The following GABRP variants were observed in gnomAD, a reference collection of about 807,000 sequenced individuals.
GABRP encodes the protein gamma-aminobutyric acid receptor subunit pi.
Under a neutral mutation model 47.8 loss-of-function variants are expected in GABRP, and 52 were observed. That is an observed-to-expected ratio of 1.09 (90% CI 0.87 to 1.37). The LOEUF (loss-of-function observed/expected upper bound fraction) is 1.37. Ranked by LOEUF, GABRP falls within the 40% of genes most tolerant of loss-of-function variation. GABRP has a pLI of 0.00. For missense variants in GABRP, 525 were observed against 542.8 expected (o/e 0.97, Z 0.33); for synonymous variants, 221 against 205.8 (o/e 1.07, Z -0.63).
At chr5:170,809,935 A>G (rs1437543630) in intron 9 of GABRP, 180 bp downstream of exon 9, 1 of 705,802 alleles carries the variant, frequency 1.4e-6, no homozygotes, top group Non-Finnish European at 2.6e-6. Flanking sequence ...GAAAAAGACC[A>G]TTCTTTTCAC....
At chr5:170,803,409 C>T (rs1765645165) in intron 6 of GABRP, among the ~76,000 whole-genome samples, 1 of 152,186 alleles carries the variant, frequency 6.6e-6, no homozygotes, top group African/African-American at 2.4e-5. Flanking sequence ...TAACTAATGT[C>T]TCTGGACCTC....
rs547224654 is a variant in GABRP at position 170,808,371 on chromosome 5, A to G, written c.680-229A>G. Among the ~76,000 whole-genome samples, 5 of 152,324 alleles carry G rather than the reference A, an allele frequency of 3.3e-5. No individual in the cohort carries two copies. The South Asian group carries it at 1.0e-3, about 32-fold the overall frequency. On this transcript the variant is annotated intron_variant, in intron 7 of 9. Coordinates refer to ENST00000265294, the MANE Select transcript of GABRP (RefSeq NM_014211.3). ...CAGTATTGATTGCACTGCTGTAGGA[A>G]TACTGTGATTCAGAAAAGCCCAGGT... is the stretch of plus-strand genomic sequence containing the variant.
At chr5:170,799,304 G>A (rs188552667) in intron 6 of GABRP, among the ~76,000 whole-genome samples, 1,803 of 152,274 alleles carry the variant, frequency 0.012, 38 homozygotes, top group African/African-American at 0.04. Context: ...CCAGTAATGG[G>A]ATGGCTGGGT....
At position 170,788,589 on chromosome 5, in the gene GABRP, G is replaced by A; in HGVS notation, c.-27G>A. 6.2e-7 allele frequency: 1 copy of A among 1,613,666 alleles called. No homozygotes were observed. Among genetic ancestry groups the A allele is most frequent in the Non-Finnish European group, 8.5e-7 (1 of 1,179,640 alleles). ...TGTTTCCCAGGTGATTCCTACTTCA[G>A]CCCCTTGGTGTGAGCAGCTTCTCAA... On this transcript the variant is annotated 5_prime_UTR_variant, in exon 2 of 10. Coordinates refer to ENST00000265294, the MANE Select transcript of GABRP (RefSeq NM_014211.3).
At chr5:170,791,012 C>G (rs1765249999) in intron 3 of GABRP, among the ~76,000 whole-genome samples, 1 of 152,230 alleles carries the variant, frequency 6.6e-6, no homozygotes, top group African/African-American at 2.4e-5. Context: ...TTCCCAGGCC[C>G]TACTGAACAC....
chr5:170,800,621 A>G (rs924190574), intron 6 of GABRP, among the ~76,000 whole-genome samples: 18 of 152,254 alleles, frequency 1.2e-4, no homozygotes, highest in African/African-American at 4.1e-4. Flanking sequence ...TGACTGAACA[A>G]CTTTTTTGTT....
At chr5:170,810,055 GA>G (rs1324450310) in intron 9 of GABRP, 4 of 657,056 alleles carry the variant, frequency 6.1e-6, no homozygotes, top group African/African-American at 5.4e-5. Flanking sequence ...AATCCAATAT[GA>G]AAAAAACATG....
rs767065503 is a variant in GABRP at position 170,809,614 on chromosome 5, C to T, written c.879C>T (p.Arg293=). The T allele has an allele frequency of 3.1e-6, 5 of 1,614,170 alleles. No individual in the cohort carries two copies. The highest frequency in any genetic ancestry group is 3.4e-6 in the Non-Finnish European group (4 of 1,180,030). ...TGACCACACTGATGATCGGGTCCCG[C>T]ACTTCTCTTCCCAACACCAACTGCT... is the stretch of plus-strand genomic sequence containing the variant. ...LSMTTLMIGS[R]TSLPNTNCFI... is the part of the protein sequence containing the mutation. Residue 293 remains arginine (R), a synonymous_variant, in exon 9 of 10, where the codon CGC becomes CGT. Transcript: ENST00000265294.
chr5:170,797,832 G>A (rs1765471961), intron 6 of GABRP, among the ~76,000 whole-genome samples: 1 of 152,156 alleles, frequency 6.6e-6, no homozygotes, highest in South Asian at 2.1e-4. Flanking sequence ...TCTAGGCCAG[G>A]GGTCAGCAAA....
At chr5:170,796,321 A>G (rs1765424159) in intron 5 of GABRP, among the ~76,000 whole-genome samples, 2 of 152,136 alleles carry the variant, frequency 1.3e-5, no homozygotes, top group Non-Finnish European at 2.9e-5. Flanking sequence ...CTCAATTCCA[A>G]TCATCGTTAA....
chr5:170,784,537 A>G (rs1765080310), intron 1 of GABRP, among the ~76,000 whole-genome samples: 1 of 151,986 alleles, frequency 6.6e-6, no homozygotes, highest in Non-Finnish European at 1.5e-5. Flanking sequence ...TCAGCTCCCT[A>G]TGTGACCTTA....
Position 170,812,337 on chromosome 5 carries a change from T to C in GABRP, c.*79T>C. On this transcript the variant is annotated 3_prime_UTR_variant, in exon 10 of 10. Transcript: ENST00000265294. ...TGTAAATGGTATTTTAGGCCAAGTG[T>C]GCACCCACATCCAATGGTGCTACAA... is the stretch of plus-strand genomic sequence containing the variant. 9.1e-7 allele frequency: 1 copy of C among 1,095,270 alleles called. No individual in the cohort carries two copies. The highest frequency in any genetic ancestry group is 2.9e-4 in the Middle Eastern group (1 of 3,484). 67.8% of individuals were successfully genotyped at this position (1,095,270 alleles called of 1,614,324 possible).
intron 1 of GABRP, among the ~76,000 whole-genome samples, chr5:170,786,434 A>G (rs1438960763): frequency 3.3e-5 from 5 of 152,258 alleles, no homozygotes; most frequent in Admixed American, 3.3e-4. Context: ...AACTTTGGAA[A>G]TAACAGCATT....
In GABRP at chr5:170,791,079, T is replaced by G. The variant is rs183180674; in HGVS notation, c.172+1832T>G. On this transcript the variant is annotated intron_variant, in intron 3 of 9. Transcript: ENST00000265294. ...GTTAGTGCCACTCAACAATTTCTCT[T>G]GCCTCCCAAACCCCAAACAATTAAG... Among the ~76,000 whole-genome samples, 49 of 152,340 alleles carry G rather than the reference T, an allele frequency of 3.2e-4. No individual in the cohort carries two copies. The East Asian group carries it at 3.3e-3, about 10-fold the overall frequency.
At chr5:170,797,394 GGCCTTC>G in intron 5 of GABRP, 66 bp from the exon 6 acceptor site, 1 of 901,546 alleles carries the variant, frequency 1.1e-6, no homozygotes, top group Non-Finnish European at 1.9e-6. Flanking sequence ...TCTTTGAGTG[GGCCTTC>G]GAAGGAATGT....
intron 2 of GABRP, 96 bp from the exon 3 acceptor site, chr5:170,789,033 C>T (rs1448683339): frequency 2.2e-6 from 2 of 911,824 alleles, no homozygotes; most frequent in Middle Eastern, 2.2e-4. Context: ...GGCACATACA[C>T]CCACACACAC....
intron 6 of GABRP, among the ~76,000 whole-genome samples, chr5:170,799,911 A>T (rs1221410802): frequency 6.6e-6 from 1 of 152,218 alleles, no homozygotes; most frequent in Non-Finnish European, 1.5e-5. Flanking sequence ...AAATGGCCAT[A>T]CTACCCAAGG....
intron 3 of GABRP, among the ~76,000 whole-genome samples, chr5:170,790,361 G>A (rs1765233102): frequency 6.6e-6 from 1 of 152,144 alleles, no homozygotes; most frequent in African/African-American, 2.4e-5. Flanking sequence ...ACTGAATGAA[G>A]TGTGTAAGCC....
At chr5:170,790,124 T>A (rs1485557150) in intron 3 of GABRP, among the ~76,000 whole-genome samples, 1 of 152,220 alleles carries the variant, frequency 6.6e-6, no homozygotes, top group East Asian at 1.9e-4. Flanking sequence ...GCTCAGTGCG[T>A]GACATATAAC....
Sources: allele counts gnomAD v4.1 joint callset (sites outside exome capture counted in the v4.1 genomes callset), GRCh38; gene constraint gnomAD v4.1.1; transcripts MANE v1.5; gene names NCBI Gene and HGNC (gene_info 2026-07-23, HGNC 2026-07-21).